PRKX: variants seen among roughly 807,000 people sequenced by gnomAD.
PRKX encodes the protein protein kinase cAMP-dependent X-linked catalytic subunit.
Under a neutral mutation model 22.0 loss-of-function variants are expected in PRKX, and 12 were observed. The ratio of observed to expected loss-of-function variants is 0.54; its 90% CI spans 0.35 to 0.88. PRKX has a LOEUF of 0.88. PRKX is among the 40% of genes least tolerant of loss of function. PRKX has a pLI of 0.01. For synonymous variants in PRKX, 134 were observed against 137.7 expected (o/e 0.97, Z 0.19); for missense variants, 217 against 308.0 (o/e 0.70, Z 2.21).
intron 1 of PRKX, among the ~76,000 whole-genome samples, chrX:3,709,766 T>C (rs1434395649): frequency 9.1e-6 from 1 of 110,107 alleles, no homozygotes; most frequent in Non-Finnish European, 1.9e-5. Flanking sequence ...ATAGGGTGAG[T>C]TTTTCATTTC....
At chrX:3,627,019 A>G (rs1307515092) in intron 4 of PRKX, among the ~76,000 whole-genome samples, 1 of 112,010 alleles carries the variant, frequency 8.9e-6, no homozygotes, top group Non-Finnish European at 1.9e-5. Flanking sequence ...TGTATATGAA[A>G]AAAAATGCTC....
chrX:3,706,736 A>G (rs67877037), intron 1 of PRKX, among the ~76,000 whole-genome samples: 7,191 of 111,988 alleles, frequency 0.064, 462 homozygotes, highest in African/African-American at 0.2. Flanking sequence ...TCCAATCCCA[A>G]TGTGCACGCC....
rs1926369893 is a variant in PRKX at position 3,614,172 on chromosome X, C to T, written c.951+1643G>A. On this transcript the variant is annotated intron_variant, in intron 7 of 8. Coordinates refer to ENST00000262848, the MANE Select transcript of PRKX (RefSeq NM_005044.5). ...GAATGAAATCCTGTCATTTATAGCA[C>T]CACGAATGGAATGGGAGACCATCAT... 4.5e-5 allele frequency among the ~76,000 whole-genome samples: 5 copies of T among 112,093 alleles called. No individual in the cohort carries two copies. In the South Asian group the frequency reaches 1.9e-3, roughly 42 times the overall value.
At position 3,675,831 on chromosome X, in the gene PRKX, GT is replaced by G. The variant is rs1424695066; in HGVS notation, c.167-1066del. ...TGTTCTTGGGTTAATGGAACGAATA[GT>G]GCAGTGGCGCCATCACAGCTCACTG... On this transcript the variant is annotated intron_variant, in intron 1 of 8. Coordinates refer to ENST00000262848, the MANE Select transcript of PRKX (RefSeq NM_005044.5). Among the ~76,000 whole-genome samples, 13 of 111,359 alleles carry G rather than the reference GT, an allele frequency of 1.2e-4. 1 individual carries two copies. Among genetic ancestry groups the G allele is most frequent in the Non-Finnish European group, 2.4e-4 (13 of 53,122 alleles).
chrX:3,688,469 C>T (rs1471459808), intron 1 of PRKX, among the ~76,000 whole-genome samples: 1 of 102,517 alleles, frequency 9.8e-6, no homozygotes, highest in Non-Finnish European at 2.0e-5. Context: ...AAGGTTAACT[C>T]AAGAAGTGGG....
intron 2 of PRKX, among the ~76,000 whole-genome samples, chrX:3,656,173 T>C (rs1328262425): frequency 3.6e-5 from 4 of 111,612 alleles, no homozygotes; most frequent in African/African-American, 9.8e-5. Context: ...AGACAGATGA[T>C]ATCTATACGT....
intron 2 of PRKX, among the ~76,000 whole-genome samples, chrX:3,660,839 T>C (rs979453488): frequency 1.8e-5 from 2 of 109,614 alleles, no homozygotes; most frequent in African/African-American, 6.7e-5. Context: ...GGATGATCTG[T>C]AGAGGAAGAG....
chrX:3,690,407 T>C (rs1340342801), intron 1 of PRKX, among the ~76,000 whole-genome samples: 1 of 112,623 alleles, frequency 8.9e-6, no homozygotes, highest in Non-Finnish European at 1.9e-5. Context: ...CTCTCCGATG[T>C]ACAGTGTATT....
intron 1 of PRKX, among the ~76,000 whole-genome samples, chrX:3,688,279 C>G (rs982871300): frequency 1.1e-5 from 1 of 90,292 alleles, no homozygotes; most frequent in Non-Finnish European, 2.4e-5. Flanking sequence ...AACCCCATCT[C>G]TACTAAAAAT....
At chrX:3,674,864 A>G in intron 1 of PRKX, 98 bp from the exon 2 acceptor site, 1 of 986,361 alleles carries the variant, frequency 1.0e-6, no homozygotes, top group Middle Eastern at 3.8e-4. Flanking sequence ...CCAGGACGGC[A>G]AACACAGACC....
chrX:3,697,734 A>G (rs1322345075), intron 1 of PRKX, among the ~76,000 whole-genome samples: 1 of 109,774 alleles, frequency 9.1e-6, no homozygotes, highest in Non-Finnish European at 1.9e-5. Context: ...TTGTTTTTGT[A>G]GAGACAGGTT....
At position 3,674,345 on chromosome X, in the gene PRKX, G is replaced by A. The variant is rs752769411; in HGVS notation, c.335+253C>T. Reference sequence around the variant, plus strand: ...GAGATACTTGGTTCACCCAGGAGAGGAGCAAGGGGCCTTGGGCACGGACTT... The same window carrying A: ...GAGATACTTGGTTCACCCAGGAGAGAAGCAAGGGGCCTTGGGCACGGACTT... On this transcript the variant is annotated intron_variant, in intron 2 of 8. Coordinates refer to ENST00000262848, the MANE Select transcript of PRKX (RefSeq NM_005044.5). Among the ~76,000 whole-genome samples, 68 of 111,892 alleles carry A rather than the reference G, an allele frequency of 6.1e-4. 1 individual carries two copies. Among genetic ancestry groups the A allele is most frequent in the South Asian group, 2.3e-3 (6 of 2,640 alleles).
intron 4 of PRKX, among the ~76,000 whole-genome samples, chrX:3,629,174 C>G (rs1755333366): frequency 8.9e-6 from 1 of 112,201 alleles, no homozygotes; most frequent in Non-Finnish European, 1.9e-5. Context: ...TTATGTCCAG[C>G]CCGGTACTGA....
rs759352340 is a variant in PRKX, at chrX:3,712,402, C to A, written c.166+686G>T. ...ATGCAAGAGCACCGAGAACTCGAAA[C>A]CTCTCTGTCAAGCTGCCCATTCGGG... On this transcript the variant is annotated intron_variant, in intron 1 of 8. Coordinates refer to ENST00000262848, the MANE Select transcript of PRKX (RefSeq NM_005044.5). 7.1e-5 allele frequency among the ~76,000 whole-genome samples: 8 copies of A among 111,914 alleles called. No individual in the cohort carries two copies. The South Asian group carries it at 2.3e-3, about 32-fold the overall frequency.
chrX:3,693,954 A>AAAAAAGAAAAG (rs2146607084), intron 1 of PRKX, among the ~76,000 whole-genome samples: 1 of 108,332 alleles, frequency 9.2e-6, no homozygotes, highest in East Asian at 2.9e-4. Context: ...AAAAAAAAAA[A>AAAAAAGAAAAG]AAAAAGAAAA....
At position 3,648,635 on chromosome X, in the gene PRKX, T is replaced by TGTGTGTGCGC. The variant is rs1555894785; in HGVS notation, c.599+6513_599+6514insGCGCACACAC. Among the ~76,000 whole-genome samples the TGTGTGTGCGC allele has an allele frequency of 1.5e-3, 162 of 105,991 alleles. 1 individual carries two copies. Among genetic ancestry groups the TGTGTGTGCGC allele is most frequent in the African/African-American group, 5.2e-3 (150 of 28,988 alleles). The allele number at this position is 105,991 out of a possible 115,157, so 92.0% of individuals were successfully genotyped here. A position where few individuals can be genotyped will look rare whatever the true frequency, so the allele number is the denominator to read the frequency against. ...GTGTGTGTGTGTGTGTGTGTGTGTGTGTGTGTGTGTGTGTGTGTGTGTGAA... is the reference window on the plus strand; with the variant it reads ...GTGTGTGTGTGTGTGTGTGTGTGTGTGTGTGTGCGCGTGTGTGTGTGTGTGTGTGTGTGAA... On this transcript the variant is annotated intron_variant, in intron 3 of 8. Transcript: ENST00000262848.
intron 4 of PRKX, among the ~76,000 whole-genome samples, chrX:3,638,948 T>G (rs1399144153): frequency 9.8e-6 from 1 of 102,282 alleles, no homozygotes; most frequent in Non-Finnish European, 2.0e-5. Flanking sequence ...AACAGGTAGG[T>G]AGGCAGATAA....
intron 1 of PRKX, among the ~76,000 whole-genome samples, chrX:3,688,059 G>A (rs750691983): frequency 6.6e-4 from 74 of 111,740 alleles, no homozygotes; most frequent in Non-Finnish European, 9.4e-4. Flanking sequence ...CTTGAACCCA[G>A]GAGGCAGAGA....
At chrX:3,704,477 C>A (rs1343416502) in intron 1 of PRKX, among the ~76,000 whole-genome samples, 11 of 111,093 alleles carry the variant, frequency 9.9e-5, no homozygotes, top group African/African-American at 3.6e-4. Context: ...CCAGCCTGGG[C>A]AACATGACGA....
Sources: gnomAD v4.1 joint callset for allele counts (sites outside exome capture counted in the v4.1 genomes callset) on GRCh38, gnomAD v4.1.1 for gene constraint, MANE v1.5 for transcripts, NCBI Gene and HGNC (gene_info 2026-07-23, HGNC 2026-07-21) for gene names.